SEPTIN3: variants seen among roughly 807,000 people sequenced by gnomAD.
The protein encoded by SEPTIN3 is septin 3.
Under a neutral mutation model 45.1 loss-of-function variants are expected in SEPTIN3, and 15 were observed. The observed-to-expected ratio is 0.33, with a 90% CI of 0.22 to 0.51. The LOEUF is 0.51. Among genes scored for constraint, SEPTIN3 ranks in the 20% least tolerant of loss-of-function variants. The pLI is 0.97. For missense variants in SEPTIN3, 289 were observed against 457.2 expected (o/e 0.63, Z 3.35); for synonymous variants, 148 against 164.8 (o/e 0.90, Z 0.78).
In SEPTIN3 at chr22:41,994,436, T is replaced by C; in HGVS notation, c.2411+95T>C. 1 of 1,511,452 alleles carries C rather than the reference T, an allele frequency of 6.6e-7. No individual in the cohort carries two copies. The highest frequency in any genetic ancestry group is 1.7e-4 in the Middle Eastern group (1 of 5,746). The allele number at this position is 1,511,452 out of a possible 1,614,324, so 93.6% of individuals were successfully genotyped here. On this transcript the variant is annotated intron_variant, in intron 10 of 11. Transcript: ENST00000644076. This position sits in a 1 kb window ranked among gnomAD's most constrained non-coding sequence, Gnocchi z 4.2. ...GATTCACCTCCTGCATCTCCAGGTC[T>C]CTCTGACAGAGCTTTCTGCCCCAGT...
In SEPTIN3 at chr22:41,997,144, A is replaced by C; in HGVS notation, c.*177A>C. The C allele has an allele frequency of 1.2e-5, 14 of 1,166,518 alleles. No homozygotes were observed. The highest frequency in any genetic ancestry group is 5.4e-5 in the East Asian group (2 of 36,708). 72.3% of individuals were successfully genotyped at this position (1,166,518 alleles called of 1,614,324 possible). On this transcript the variant is annotated 3_prime_UTR_variant, in exon 12 of 12. Coordinates refer to ENST00000644076, the MANE Select transcript of SEPTIN3 (RefSeq NM_001363845.2). ...GTTGCATCCTCCATTTATCCAAACC[A>C]CTCCTCTCCTCCCAGTGGAGTGGGG...
chr22:41,988,695 T>A (rs1455445561), intron 6 of SEPTIN3, among the ~76,000 whole-genome samples: 1 of 151,992 alleles, frequency 6.6e-6, no homozygotes, highest in Non-Finnish European at 1.5e-5. Flanking sequence ...TAGAGCCAAG[T>A]TGGGGTCTCA....
chr22:41,991,709 G>T, intron 8 of SEPTIN3, 41 bp downstream of exon 8: 2 of 1,297,810 alleles, frequency 1.5e-6, no homozygotes, highest in Non-Finnish European at 1.1e-6. Flanking sequence ...ATGCCCCCTT[G>T]CGACCTCTGG....
chr22:41,989,910 C>T (rs1183636372), intron 7 of SEPTIN3, among the ~76,000 whole-genome samples: 1 of 152,158 alleles, frequency 6.6e-6, no homozygotes, highest in Non-Finnish European at 1.5e-5. Flanking sequence ...CTTCTTCCCA[C>T]CCTCCAAACC....
In SEPTIN3 at chr22:41,995,485, C is replaced by T. The variant is rs112595379; in HGVS notation, c.2505+771C>T. 7.6e-5 allele frequency: 75 copies of T among 985,588 alleles called. 1 individual carries two copies. Among genetic ancestry groups the T allele is most frequent in the African/African-American group, 3.1e-4 (18 of 57,366 alleles). The allele number at this position is 985,588 out of a possible 1,614,324, so 61.1% of individuals were successfully genotyped here. On this transcript the variant is annotated intron_variant, in intron 11 of 11. Coordinates refer to ENST00000644076, the MANE Select transcript of SEPTIN3 (RefSeq NM_001363845.2). Reference sequence around the variant, plus strand: ...CCAGGCCACTGCCTGTCTCTGCTTCCGACTTTGTCTTCTTTCTCCCTTTCC... The same window carrying T: ...CCAGGCCACTGCCTGTCTCTGCTTCTGACTTTGTCTTCTTTCTCCCTTTCC...
intron 8 of SEPTIN3, among the ~76,000 whole-genome samples, chr22:41,992,371 T>C (rs1221507542): frequency 6.6e-6 from 1 of 152,146 alleles, no homozygotes; most frequent in Non-Finnish European, 1.5e-5. Context: ...AAGAGCGAAC[T>C]CTGTCTCAAA....
At chr22:41,988,189 A>G (rs57021429) in intron 6 of SEPTIN3, among the ~76,000 whole-genome samples, 5,795 of 152,230 alleles carry the variant, frequency 0.038, 340 homozygotes, top group African/African-American at 0.13. Context: ...TTTGGAGGGT[A>G]GGGACCCAGT....
At chr22:41,995,262 C>A in intron 11 of SEPTIN3, 1 of 991,004 alleles carries the variant, frequency 1.0e-6, no homozygotes, top group Non-Finnish European at 1.2e-6. Context: ...TGGGGGTGGT[C>A]TGGGGGTAAG....
At chr22:41,974,443 T>C (rs1454723142) in intron 2 of SEPTIN3, among the ~76,000 whole-genome samples, 1 of 151,776 alleles carries the variant, frequency 6.6e-6, no homozygotes, top group Non-Finnish European at 1.5e-5. Context: ...GACAGGTGGA[T>C]CACGAGGTCA....
chr22:41,986,967 C>A (rs955950371), intron 4 of SEPTIN3, among the ~76,000 whole-genome samples: 1 of 151,874 alleles, frequency 6.6e-6, no homozygotes, highest in Non-Finnish European at 1.5e-5. Context: ...CAGAGTGAGA[C>A]CCTGTCTCTT....
rs1434948276 is a variant in SEPTIN3, at chr22:41,989,656, TGGA to T, written c.2140_2142del (p.Glu714del). Reference sequence around the variant, plus strand: ...ATTGCTAAGGCTGACACCATGACCCTGGAGGAGAAGTCTGAATTCAAGCAAAGG... The same window carrying T: ...ATTGCTAAGGCTGACACCATGACCCTGGAGAAGTCTGAATTCAAGCAAAGG... On this transcript the variant is annotated inframe_deletion, in exon 7 of 12. Transcript: ENST00000644076. 3 of 1,613,328 alleles carry T rather than the reference TGGA, an allele frequency of 1.9e-6. No individual in the cohort carries two copies. Among genetic ancestry groups the T allele is most frequent in the South Asian group, 1.1e-5 (1 of 91,036 alleles).
Position 41,997,146 on chromosome 22 carries a change from T to C in SEPTIN3, c.*179T>C. The C allele has an allele frequency of 8.5e-7, 1 of 1,180,920 alleles. No individual in the cohort carries two copies. 73.2% of individuals were successfully genotyped at this position (1,180,920 alleles called of 1,614,324 possible). ...TGCATCCTCCATTTATCCAAACCACTCCTCTCCTCCCAGTGGAGTGGGGTT... is the reference window on the plus strand; with the variant it reads ...TGCATCCTCCATTTATCCAAACCACCCCTCTCCTCCCAGTGGAGTGGGGTT... On this transcript the variant is annotated 3_prime_UTR_variant, in exon 12 of 12. Coordinates refer to ENST00000644076, the MANE Select transcript of SEPTIN3 (RefSeq NM_001363845.2).
chr22:41,985,513 G>C (rs529738633), intron 3 of SEPTIN3: 1 of 160,430 alleles, frequency 6.2e-6, no homozygotes, highest in African/African-American at 2.4e-5. Flanking sequence ...CTCAACTGAG[G>C]ATAAAGATAG....
chr22:41,985,582 G>A, intron 3 of SEPTIN3: 3 of 169,708 alleles, frequency 1.8e-5, no homozygotes, highest in South Asian at 3.1e-4. Flanking sequence ...AAATGTGAAT[G>A]TACAATATGC....
intron 2 of SEPTIN3, among the ~76,000 whole-genome samples, chr22:41,974,748 G>A (rs977141951): frequency 6.6e-6 from 1 of 151,012 alleles, no homozygotes; most frequent in Non-Finnish European, 1.5e-5. Context: ...TTAGCCAGGT[G>A]TGTAGGCTGA....
chr22:41,995,748 C>G, intron 11 of SEPTIN3: 1 of 983,566 alleles, frequency 1.0e-6, no homozygotes, highest in Non-Finnish European at 1.2e-6. Flanking sequence ...TTTCTGTAGT[C>G]AAGCACCTGA....
chr22:41,991,526 C>G, intron 7 of SEPTIN3, 47 bp from the exon 8 acceptor site: 1 of 1,405,446 alleles, frequency 7.1e-7, no homozygotes, highest in Middle Eastern at 1.8e-4. Flanking sequence ...CCCCTCTTTT[C>G]CATTACCCTG....
chr22:41,973,299 A>G (rs1364584627), intron 2 of SEPTIN3, among the ~76,000 whole-genome samples: 3 of 151,916 alleles, frequency 2.0e-5, no homozygotes, highest in African/African-American at 7.3e-5. Flanking sequence ...AGATGGGAGG[A>G]TTGCTTGAGT....
chr22:41,994,945 C>T lies in SEPTIN3; in HGVS notation c.2505+231C>T. 1 of 1,422,792 alleles carries T rather than the reference C, an allele frequency of 7.0e-7. No homozygotes were observed. Among genetic ancestry groups the T allele is most frequent in the Non-Finnish European group, 9.2e-7 (1 of 1,089,818 alleles). The allele number at this position is 1,422,792 out of a possible 1,614,324, so 88.1% of individuals were successfully genotyped here. A position where few individuals can be genotyped will look rare whatever the true frequency, so the allele number is the denominator to read the frequency against. On this transcript the variant is annotated intron_variant, in intron 11 of 11. Coordinates refer to ENST00000644076, the MANE Select transcript of SEPTIN3 (RefSeq NM_001363845.2). This position sits in a 1 kb window ranked among gnomAD's most constrained non-coding sequence, Gnocchi z 4.2. ...TGTGACAGAGAGAGAGCGAGAGAGC[C>T]TGTGTGTGTGCATGCAGGGGTGAGG...
Sources: allele counts gnomAD v4.1 joint callset (sites outside exome capture counted in the v4.1 genomes callset), GRCh38; gene constraint gnomAD v4.1.1; non-coding constraint Gnocchi (gnomAD v3.1); transcripts MANE v1.5; gene names NCBI Gene and HGNC (gene_info 2026-07-23, HGNC 2026-07-21).